The following ADCYAP1R1 variants were observed in gnomAD, a reference collection of about 807,000 sequenced individuals.
The protein encoded by ADCYAP1R1 is pituitary adenylate cyclase-activating polypeptide type I receptor.
ADCYAP1R1 carries 44 observed loss-of-function variants against 67.6 expected under a neutral mutation model. The observed-to-expected ratio is 0.65, with a 90% confidence interval of 0.51 to 0.84. The LOEUF (loss-of-function observed/expected upper bound fraction) is 0.84. ADCYAP1R1 is among the 40% of genes least tolerant of loss of function. The pLI is 0.00. For synonymous variants in ADCYAP1R1, 222 were observed against 219.6 expected (o/e 1.01, Z -0.10); for missense variants, 477 against 587.9 (o/e 0.81, Z 1.95).
In ADCYAP1R1 at chr7:31,106,813, G is replaced by T. The variant is rs530027628; in HGVS notation, c.*129G>T. 32 of 1,154,146 alleles carry T rather than the reference G, an allele frequency of 2.8e-5. No individual in the cohort carries two copies. Among genetic ancestry groups the T allele is most frequent in the Non-Finnish European group, 3.4e-5 (29 of 843,504 alleles). 71.5% of individuals were successfully genotyped at this position (1,154,146 alleles called of 1,614,324 possible). On this transcript the variant is annotated 3_prime_UTR_variant, in exon 16 of 16. Transcript: ENST00000304166. ...TGGGCTGGAAGCTTGGCTCCTGAGG[G>T]GGGAGAAGGAGGCAGGGCACAGACT...
At chr7:31,085,501 T>C in intron 9 of ADCYAP1R1, 59 bp downstream of exon 9, 3 of 1,554,378 alleles carry the variant, frequency 1.9e-6, no homozygotes, top group Non-Finnish European at 8.7e-7. Context: ...ACCATCCCCT[T>C]GGTTCCCCAG....
intron 15 of ADCYAP1R1, among the ~76,000 whole-genome samples, chr7:31,105,691 A>G (rs1796613738): frequency 6.6e-6 from 1 of 152,190 alleles, no homozygotes; most frequent in South Asian, 2.1e-4. Context: ...CGCCCAGACA[A>G]CCTACAGAAG....
intron 13 of ADCYAP1R1, among the ~76,000 whole-genome samples, chr7:31,099,531 G>T (rs552628539): frequency 6.6e-6 from 1 of 152,324 alleles, no homozygotes; most frequent in South Asian, 2.1e-4. Flanking sequence ...ACTTACCTCT[G>T]TCCCCTATGT....
At chr7:31,105,094 C>T (rs886630591) in intron 15 of ADCYAP1R1, among the ~76,000 whole-genome samples, 185 bp downstream of exon 15, 1 of 152,204 alleles carries the variant, frequency 6.6e-6, no homozygotes, top group African/African-American at 2.4e-5. Flanking sequence ...CCTCCTGATA[C>T]CCACACCCTG....
intron 9 of ADCYAP1R1, 108 bp downstream of exon 9, chr7:31,085,550 TG>T: frequency 7.5e-7 from 1 of 1,326,086 alleles, no homozygotes; most frequent in Non-Finnish European, 1.0e-6. Flanking sequence ...AGATCAAGTG[TG>T]TCCCTGCAGG....
intron 1 of ADCYAP1R1, among the ~76,000 whole-genome samples, chr7:31,058,392 G>A (rs961823881): frequency 2.0e-5 from 3 of 152,196 alleles, no homozygotes; most frequent in African/African-American, 7.2e-5. Flanking sequence ...CATGGCTGCT[G>A]TAGTCAGTTT....
chr7:31,067,157 A>T (rs1157262126), intron 3 of ADCYAP1R1, among the ~76,000 whole-genome samples: 1 of 152,150 alleles, frequency 6.6e-6, no homozygotes, highest in Admixed American at 6.5e-5. Flanking sequence ...GAATTGAGTG[A>T]ATAGCTCTCC....
At chr7:31,089,423 GT>G (rs34984750) in intron 12 of ADCYAP1R1, among the ~76,000 whole-genome samples, 55,987 of 127,374 alleles carry the variant, frequency 0.44, 11,399 homozygotes, top group African/African-American at 0.49. Context: ...GCTTGTTTCA[GT>G]TTTTTTTTTT....
chr7:31,086,997 A>G lies in ADCYAP1R1; in HGVS notation c.878A>G (p.Asp293Gly). The G allele has an allele frequency of 6.2e-7, 1 of 1,614,162 alleles. No homozygotes were observed. Among genetic ancestry groups the G allele is most frequent in the East Asian group, 2.2e-5 (1 of 44,872 alleles). ...VWATLRLYFD[D>G]TGCWDMNDST... ...GCTACGCTGAGACTCTACTTTGATGACACAGGGTTAGTACATGCGCGAGAG... is the reference window on the plus strand; with the variant it reads ...GCTACGCTGAGACTCTACTTTGATGGCACAGGGTTAGTACATGCGCGAGAG... The change falls in exon 11 of 16, where the codon GAC becomes GGC. Residue 293 changes from aspartate to glycine, a missense_variant. Physicochemically the swap from Asp to Gly is moderately conservative, Grantham distance 94 (BLOSUM62 -1). Coordinates refer to ENST00000304166, the MANE Select transcript of ADCYAP1R1 (RefSeq NM_001118.5). This position sits in a 1 kb window ranked among gnomAD's most constrained non-coding sequence, Gnocchi z 5.0.
intron 15 of ADCYAP1R1, 120 bp from the exon 16 acceptor site, chr7:31,106,376 G>T: frequency 8.2e-7 from 1 of 1,224,360 alleles, no homozygotes; most frequent in Non-Finnish European, 1.1e-6. Context: ...CTGCAACTGG[G>T]GAGTGGGGAG....
At position 31,053,041 on chromosome 7, in the gene ADCYAP1R1, G is replaced by GCCGGAGGGAC. The variant is rs560065341; in HGVS notation, c.-72+374_-72+383dup. ...ACCAGGGGGGCAGGCAAGCCATGCGGCCGGAGGGACCCGGAGGGACATGCC... is the reference window on the plus strand; with the variant it reads ...ACCAGGGGGGCAGGCAAGCCATGCGGCCGGAGGGACCCGGAGGGACCCGGAGGGACATGCC... On this transcript the variant is annotated intron_variant, in intron 1 of 15. Coordinates refer to ENST00000304166, the MANE Select transcript of ADCYAP1R1 (RefSeq NM_001118.5). Among the ~76,000 whole-genome samples, 1,012 of 152,332 alleles carry GCCGGAGGGAC rather than the reference G, an allele frequency of 6.6e-3. 5 individuals carry two copies. The highest frequency in any genetic ancestry group is 0.012 in the Non-Finnish European group (811 of 68,026).
chr7:31,084,149 G>A lies in ADCYAP1R1; in HGVS notation c.337G>A (p.Val113Met). Residue 113 changes from valine to methionine, a missense_variant, in exon 7 of 16, where the codon GTG becomes ATG. Transcript: ENST00000304166. ...TTTTCTTTTTGCTGCAGACATGGGA[G>A]TGGTGAGCCGGAACTGCACGGAGGA... ...SNSLDLSDMGVVSRNCTEDGW... is the reference protein window; with the variant it reads ...SNSLDLSDMGMVSRNCTEDGW... 2 of 1,614,150 alleles carry A rather than the reference G, an allele frequency of 1.2e-6. No individual in the cohort carries two copies. Among genetic ancestry groups the A allele is most frequent in the South Asian group, 1.1e-5 (1 of 91,062 alleles).
intron 3 of ADCYAP1R1, among the ~76,000 whole-genome samples, chr7:31,069,382 C>G (rs1319027916): frequency 1.3e-5 from 2 of 152,204 alleles, no homozygotes; most frequent in Non-Finnish European, 2.9e-5. Context: ...AGAACGCTGG[C>G]CAAAGGTCAG....
rs1196473293 is a variant in ADCYAP1R1, at chr7:31,092,494, C to G, written c.955-150C>G. 6.1e-6 allele frequency: 4 copies of G among 657,142 alleles called. No homozygotes were observed. In the East Asian group the frequency reaches 1.1e-4, roughly 18 times the overall value. 40.7% of individuals were successfully genotyped at this position (657,142 alleles called of 1,614,324 possible). On this transcript the variant is annotated intron_variant, in intron 12 of 15. Coordinates refer to ENST00000304166, the MANE Select transcript of ADCYAP1R1 (RefSeq NM_001118.5). ...TTCATTTTAATGATACTGTGGGAGG[C>G]TGGAGAGATAAATGGGAATTATCAC...
chr7:31,105,558 AATGG>A (rs1251293869), intron 15 of ADCYAP1R1, among the ~76,000 whole-genome samples: 8 of 152,172 alleles, frequency 5.3e-5, no homozygotes, highest in African/African-American at 1.9e-4. Flanking sequence ...GTGGGGACTG[AATGG>A]CTAGGGTGGA....
chr7:31,085,261 A>G, intron 8 of ADCYAP1R1, 49 bp from the exon 9 acceptor site: 1 of 1,587,514 alleles, frequency 6.3e-7, no homozygotes. Flanking sequence ...GGAGGGTGTG[A>G]AATGCTGTGG....
chr7:31,100,088 C>G (rs536185029), intron 13 of ADCYAP1R1: 1 of 1,533,114 alleles, frequency 6.5e-7, no homozygotes, highest in Non-Finnish European at 8.8e-7. Flanking sequence ...CTGCCTGGTG[C>G]CCCCCAGCTG....
intron 3 of ADCYAP1R1, among the ~76,000 whole-genome samples, chr7:31,068,326 A>G (rs1794836252): frequency 6.6e-6 from 1 of 152,078 alleles, no homozygotes; most frequent in Non-Finnish European, 1.5e-5. Context: ...AGACACAGAG[A>G]CGTTAGGTTG....
rs1231833120 is a variant in ADCYAP1R1, at chr7:31,086,957, T to G, written c.838T>G (p.Cys280Gly). The change falls in exon 11 of 16, where the codon TGT (cysteine) becomes GGT (glycine). Residue 280 changes from cysteine to glycine, a missense_variant. Physicochemically the swap from Cys to Gly is radical, Grantham distance 159 (BLOSUM62 -3). Coordinates refer to ENST00000304166, the MANE Select transcript of ADCYAP1R1 (RefSeq NM_001118.5). The surrounding 1 kb of genome is among the most constrained non-coding windows in gnomAD (Gnocchi z 5.0). ...TGTTCTCCCAGGGACCCCAACTGTGTGTGTGACAGTGTGGGCTACGCTGAG... is the reference window on the plus strand; with the variant it reads ...TGTTCTCCCAGGGACCCCAACTGTGGGTGTGACAGTGTGGGCTACGCTGAG... ...TIIGWGTPTV[C>G]VTVWATLRLY... is the part of the protein sequence containing the mutation. The G allele has an allele frequency of 6.2e-7, 1 of 1,614,074 alleles. No homozygotes were observed. Among genetic ancestry groups the G allele is most frequent in the Non-Finnish European group, 8.5e-7 (1 of 1,180,046 alleles).
Sources: gnomAD v4.1 joint callset for allele counts (sites outside exome capture counted in the v4.1 genomes callset) on GRCh38, gnomAD v4.1.1 for gene constraint, Gnocchi (gnomAD v3.1) non-coding constraint, MANE v1.5 for transcripts, NCBI Gene and HGNC (gene_info 2026-07-23, HGNC 2026-07-21) for gene names.